RFXANK: variants seen among roughly 807,000 people sequenced by gnomAD.
The protein encoded by RFXANK is DNA-binding protein RFXANK.
RFXANK carries 19 observed loss-of-function variants against 34.5 expected under a neutral mutation model. That is an observed-to-expected ratio of 0.55 (90% CI 0.38 to 0.81). RFXANK has a LOEUF of 0.81. Ranked by LOEUF, RFXANK falls within the 30% of genes least tolerant of loss-of-function variation. The probability of loss-of-function intolerance (pLI) is 0.00; values close to 1 mark genes in which losing one functional copy is unlikely to be tolerated. For synonymous variants in RFXANK, 154 were observed against 149.8 expected, an observed-to-expected ratio of 1.03 and a Z score of -0.20; for missense variants, 295 against 343.5, an observed-to-expected ratio of 0.86 and a Z score of 1.12.
At chr19:19,197,154 TGA>T (rs747898059) in intron 4 of RFXANK, 30 bp from the exon 5 acceptor site, 1 of 1,613,584 alleles carries the variant, frequency 6.2e-7, no homozygotes, top group Admixed American at 1.7e-5. Flanking sequence ...AGCAAGGGGA[TGA>T]GTGAGGACTC....
At position 19,201,648 on chromosome 19, in the gene RFXANK, G is replaced by C; in HGVS notation, c.713-1G>C. On this transcript the variant is annotated splice_acceptor_variant, in intron 9 of 9. Coordinates refer to ENST00000303088, the MANE Select transcript of RFXANK (RefSeq NM_003721.4). LOFTEE classifies it high-confidence loss of function. ...CCCACCTTTTCCCTGCCCCATCTCAGTGCAACAGGTGATCGAGAACCACAT... is the reference window on the plus strand; with the variant it reads ...CCCACCTTTTCCCTGCCCCATCTCACTGCAACAGGTGATCGAGAACCACAT... 6.2e-7 allele frequency: 1 copy of C among 1,614,064 alleles called. No homozygotes were observed. The highest frequency in any genetic ancestry group is 8.5e-7 in the Non-Finnish European group (1 of 1,180,022).
chr19:19,194,007 C>G lies in RFXANK; in HGVS notation c.61C>G (p.Leu21Val), dbSNP rs1379607348. The G allele has an allele frequency of 1.9e-6, 3 of 1,614,248 alleles. No homozygotes were observed. The highest frequency in any genetic ancestry group is 1.7e-5 in the Admixed American group (1 of 60,032). The change falls in exon 3 of 10, where the codon CTT (leucine) becomes GTT (valine). Residue 21 changes from leucine (L) to valine (V), a missense_variant. Coordinates refer to ENST00000303088, the MANE Select transcript of RFXANK (RefSeq NM_003721.4). Reference protein sequence around the residue: ...IQTQQTPASELGDPEDPGEEA... With the variant: ...IQTQQTPASEVGDPEDPGEEA... ...GACCCAGCAGACCCCTGCCTCAGAA[C>G]TTGGGGACCCTGAAGACCCCGGAGA...
intron 9 of RFXANK, among the ~76,000 whole-genome samples, chr19:19,200,175 CTTTTTTT>C (rs978912398): frequency 1.7e-5 from 2 of 120,408 alleles, no homozygotes; most frequent in Admixed American, 8.6e-5. Flanking sequence ...TTTGTTGTTG[CTTTTTTT>C]TTTTTTTTTT....
chr19:19,198,198 T>TAA lies in RFXANK; in HGVS notation c.530_531insAA (p.Glu178ArgfsTer27). 6.2e-7 allele frequency: 1 copy of TAA among 1,614,180 alleles called. No homozygotes were observed. Among genetic ancestry groups the TAA allele is most frequent in the African/African-American group, 1.3e-5 (1 of 75,058 alleles). On this transcript the variant is annotated frameshift_variant, in exon 7 of 10. Transcript: ENST00000303088. LOFTEE classifies it high-confidence loss of function. Reference sequence around the variant, plus strand: ...TACACAGACATTGTGGGGCTGCTGCTGGAGCGTGACGTGGACATCAACATC... The same window carrying TAA: ...TACACAGACATTGTGGGGCTGCTGCTAAGGAGCGTGACGTGGACATCAACATC...
At chr19:19,197,327 G>T in intron 5 of RFXANK, 76 bp downstream of exon 5, 1 of 1,456,318 alleles carries the variant, frequency 6.9e-7, no homozygotes. Flanking sequence ...ACCCACTCAT[G>T]ACGTGACCTG....
At position 19,199,176 on chromosome 19, in the gene RFXANK, C is replaced by G. The variant is rs8862; in HGVS notation, c.654C>G (p.Thr218=). 1.2e-6 allele frequency: 2 copies of G among 1,614,012 alleles called. No homozygotes were observed. The highest frequency in any genetic ancestry group is 1.3e-5 in the African/African-American group (1 of 75,028). ...CAGCCCGAGGCGCTGACCTCACCAC[C>G]GAAGCCGACTCTGGCTACACCCCGA... ...ALLARGADLT[T]EADSGYTPMD... Residue 218 remains threonine, a synonymous_variant, in exon 9 of 10, where the codon ACC becomes ACG. Transcript: ENST00000303088.
At chr19:19,196,724 G>A (rs1430383762) in intron 3 of RFXANK, among the ~76,000 whole-genome samples, 2 of 152,014 alleles carry the variant, frequency 1.3e-5, no homozygotes, top group Non-Finnish European at 2.9e-5. Flanking sequence ...AATTAGCCAG[G>A]TGTGGTGGTG....
intron 2 of RFXANK, among the ~76,000 whole-genome samples, chr19:19,193,398 C>CT (rs1012587436): frequency 2.1e-5 from 3 of 144,988 alleles, no homozygotes; most frequent in African/African-American, 2.5e-5. Flanking sequence ...AGAGCCCCGG[C>CT]TTTTTTTTCC....
chr19:19,200,505 T>C (rs886349482), intron 9 of RFXANK, among the ~76,000 whole-genome samples: 1 of 151,264 alleles, frequency 6.6e-6, no homozygotes, highest in African/African-American at 2.4e-5. Context: ...AGAGACAGGG[T>C]CTCGCTATGT....
chr19:19,193,888 T>C (rs1599773625), intron 2 of RFXANK, 51 bp from the exon 3 acceptor site: 11 of 1,599,664 alleles, frequency 6.9e-6, no homozygotes, highest in Non-Finnish European at 9.4e-6. Flanking sequence ...CCTACTTTAT[T>C]ATAACTGTTG....
intron 3 of RFXANK, 90 bp from the exon 4 acceptor site, chr19:19,196,873 A>G (rs2060607758): frequency 8.2e-7 from 1 of 1,223,830 alleles, no homozygotes; most frequent in Non-Finnish European, 1.2e-6. Flanking sequence ...TCAAACAACA[A>G]CAGCAACAAA....
chr19:19,198,264 GCCT>G (rs1568581233), intron 7 of RFXANK, 32 bp downstream of exon 7: 1 of 1,613,596 alleles, frequency 6.2e-7, no homozygotes, highest in Non-Finnish European at 8.5e-7. Context: ...GGACCTCTCA[GCCT>G]CCTGGCCTTC....
chr19:19,197,180 C>T lies in RFXANK; in HGVS notation c.272-6C>T, dbSNP rs1347068719. Reference sequence around the variant, plus strand: ...GAGTGAGGACTCTGCCTCTGTCCTGCCCCAGCCCTGTCCATCCACCAGCTC... The same window carrying T: ...GAGTGAGGACTCTGCCTCTGTCCTGTCCCAGCCCTGTCCATCCACCAGCTC... On this transcript the variant is annotated splice_polypyrimidine_tract_variant and splice_region_variant and intron_variant, in intron 4 of 9. Transcript: ENST00000303088. The T allele has an allele frequency of 1.9e-6, 3 of 1,613,788 alleles. No homozygotes were observed. Among genetic ancestry groups the T allele is most frequent in the Non-Finnish European group, 8.5e-7 (1 of 1,180,002 alleles).
intron 6 of RFXANK, among the ~76,000 whole-genome samples, 182 bp from the exon 7 acceptor site, chr19:19,197,925 C>T (rs1390945472): frequency 1.3e-5 from 2 of 151,520 alleles, no homozygotes; most frequent in African/African-American, 2.4e-5. Context: ...GGTGGGAGAA[C>T]TGTGTGAACC....
chr19:19,201,763 C>A lies in RFXANK; in HGVS notation c.*44C>A. On this transcript the variant is annotated 3_prime_UTR_variant, in exon 10 of 10. Transcript: ENST00000303088. The stretch of plus-strand genomic sequence containing the variant: ...TCAGACACTCAGGGAACAAAATGGT[C>A]AGCCAGAGCTGGGGAAACCCAGAAC... The A allele has an allele frequency of 1.2e-6, 2 of 1,613,550 alleles. No individual in the cohort carries two copies. The highest frequency in any genetic ancestry group is 2.2e-5 in the South Asian group (2 of 91,022).
At chr19:19,200,332 G>A (rs2146509608) in intron 9 of RFXANK, among the ~76,000 whole-genome samples, 1 of 150,128 alleles carries the variant, frequency 6.7e-6, no homozygotes, top group East Asian at 2.0e-4. Context: ...TGCACACCAT[G>A]ACGCCCGGCT....
At chr19:19,200,804 T>C (rs1030589193) in intron 9 of RFXANK, 2 of 152,878 alleles carry the variant, frequency 1.3e-5, no homozygotes, top group African/African-American at 5.3e-5. Flanking sequence ...TTTTTTTTTT[T>C]TTTTTTTTTT....
intron 3 of RFXANK, among the ~76,000 whole-genome samples, chr19:19,196,561 CAA>C (rs34326473): frequency 0.05 from 5,810 of 116,184 alleles, 394 homozygotes; most frequent in African/African-American, 0.17. Flanking sequence ...GACTCTGTCT[CAA>C]AAAAAAAAAA....
At position 19,194,013 on chromosome 19, in the gene RFXANK, G is replaced by C; in HGVS notation, c.67G>C (p.Asp23His). ...GCAGACCCCTGCCTCAGAACTTGGG[G>C]ACCCTGAAGACCCCGGAGAGGAGGC... ...TQQTPASELG[D>H]PEDPGEEAAD... is the part of the protein sequence containing the mutation. Residue 23 changes from aspartate to histidine, a missense_variant, in exon 3 of 10, where the codon GAC becomes CAC. Coordinates refer to ENST00000303088, the MANE Select transcript of RFXANK (RefSeq NM_003721.4). 2 of 1,614,190 alleles carry C rather than the reference G, an allele frequency of 1.2e-6. No homozygotes were observed. Among genetic ancestry groups the C allele is most frequent in the Non-Finnish European group, 1.7e-6 (2 of 1,180,048 alleles).
Sources: allele counts gnomAD v4.1 joint callset (sites outside exome capture counted in the v4.1 genomes callset), GRCh38; gene constraint gnomAD v4.1.1; transcripts MANE v1.5; gene names NCBI Gene and HGNC (gene_info 2026-07-23, HGNC 2026-07-21).